The following SLC5A4 variants were observed in gnomAD, a reference collection of about 807,000 sequenced individuals.
SLC5A4 encodes the protein solute carrier family 5 member 4.
In SLC5A4, 55 loss-of-function variants were observed where a neutral mutation model predicts 70.3. That is an observed-to-expected ratio of 0.78 (90% CI 0.63 to 0.98). The LOEUF (loss-of-function observed/expected upper bound fraction) is 0.98, where lower values mean the gene tolerates loss of function less well. SLC5A4 is among the 50% of genes least tolerant of loss of function. The probability of loss-of-function intolerance (pLI) is 0.00; values close to 1 mark genes in which losing one functional copy is unlikely to be tolerated. For synonymous variants in SLC5A4, 268 were observed against 305.7 expected, an observed-to-expected ratio of 0.88 and a Z score of 1.29; for missense variants, 735 against 839.2, an observed-to-expected ratio of 0.88 and a Z score of 1.53.
the SLC5A4 span, among the ~76,000 whole-genome samples, chr22:32,310,721 C>T: frequency 2.6e-5 from 4 of 152,248 alleles, no homozygotes; most frequent in African/African-American, 9.6e-5. Context: ...CTGGGCAAGC[C>T]ACTTGACCCG....
chr22:32,351,737 T>TGGGGGGGGGGGGGGGGGGG, the SLC5A4 span, among the ~76,000 whole-genome samples: 1 of 2,638 alleles, frequency 3.8e-4, no homozygotes, highest in Non-Finnish European at 6.5e-4. Flanking sequence ...GTGGGGGCGG[T>TGGGGGGGGGGGGGGGGGGG]GGGGGGAGGG....
At chr22:32,281,610 C>T in the SLC5A4 span, among the ~76,000 whole-genome samples, 1 of 152,036 alleles carries the variant, frequency 6.6e-6, no homozygotes, top group Non-Finnish European at 1.5e-5. Context: ...CTCACTGCTG[C>T]CTGGAATTCC....
At chr22:32,353,215 G>A in the SLC5A4 span, among the ~76,000 whole-genome samples, 6 of 152,100 alleles carry the variant, frequency 3.9e-5, no homozygotes, top group South Asian at 2.1e-4. Flanking sequence ...TACTCTACTA[G>A]AACCGCTGGG....
the SLC5A4 span, among the ~76,000 whole-genome samples, chr22:32,319,965 C>T: frequency 2.0e-5 from 3 of 152,100 alleles, no homozygotes; most frequent in African/African-American, 7.2e-5. Flanking sequence ...ACTGCCTGCT[C>T]AACTCTACAG....
At chr22:32,250,049 C>A (rs1927052886) in intron 3 of SLC5A4, among the ~76,000 whole-genome samples, 1 of 152,016 alleles carries the variant, frequency 6.6e-6, no homozygotes. Context: ...ATAGTGGGGA[C>A]TCAGGGAGGA....
chr22:32,224,418 G>C lies in SLC5A4; in HGVS notation c.1514C>G (p.Ala505Gly). ...MGLIRMITEF[A>G]YGTGSCLAPS... Reference sequence around the variant, plus strand: ...AGCCAAGCAACTCCCTGTTCCATAAGCAAACTCTGTTATCATACGAATGAG... The same window carrying C: ...AGCCAAGCAACTCCCTGTTCCATAACCAAACTCTGTTATCATACGAATGAG... Residue 505 changes from alanine (A) to glycine (G), a missense_variant, in exon 13 of 15, where the codon GCT (alanine) becomes GGT (glycine). Physicochemically the swap from Ala to Gly is moderately conservative, Grantham distance 60. Coordinates refer to ENST00000266086, the MANE Select transcript of SLC5A4 (RefSeq NM_014227.3). The C allele has an allele frequency of 3.1e-6, 5 of 1,614,106 alleles. No individual in the cohort carries two copies. The highest frequency in any genetic ancestry group is 4.2e-6 in the Non-Finnish European group (5 of 1,180,006).
the SLC5A4 span, among the ~76,000 whole-genome samples, chr22:32,267,113 A>G: frequency 6.6e-6 from 1 of 152,244 alleles, no homozygotes; most frequent in South Asian, 2.1e-4. Flanking sequence ...AAATCTTACC[A>G]ACGCCCACAA....
chr22:32,241,671 A>C (rs574753572), intron 5 of SLC5A4, among the ~76,000 whole-genome samples: 77 of 152,110 alleles, frequency 5.1e-4, no homozygotes, highest in Non-Finnish European at 1.0e-3. Flanking sequence ...TGTGGTTTTG[A>C]GGTCTTATCT....
At chr22:32,269,647 T>C in the SLC5A4 span, 2 of 595,052 alleles carry the variant, frequency 3.4e-6, no homozygotes, top group East Asian at 4.0e-5. This position sits in a 1 kb window ranked among gnomAD's most constrained non-coding sequence, Gnocchi z 4.1. Flanking sequence ...GGGGTGGTGG[T>C]CTTTGTCGTC....
At chr22:32,239,553 T>G (rs1301298701) in intron 5 of SLC5A4, among the ~76,000 whole-genome samples, 1 of 16,686 alleles carries the variant, frequency 6.0e-5, no homozygotes, top group Non-Finnish European at 1.0e-4. Context: ...TATATATATA[T>G]ATATATATAT....
At chr22:32,310,506 T>C in the SLC5A4 span, among the ~76,000 whole-genome samples, 1 of 98,218 alleles carries the variant, frequency 1.0e-5, no homozygotes, top group African/African-American at 3.6e-5. Context: ...TATGGCAACA[T>C]GGGCCTGGGG....
At chr22:32,276,751 A>T in the SLC5A4 span, 1 of 152,182 alleles carries the variant, frequency 6.6e-6, no homozygotes, top group Non-Finnish European at 1.5e-5. Context: ...TGTAAAACTG[A>T]TTTGACACTA....
intron 13 of SLC5A4, among the ~76,000 whole-genome samples, chr22:32,221,315 C>A (rs964287631): frequency 2.6e-5 from 4 of 152,174 alleles, no homozygotes; most frequent in Non-Finnish European, 4.4e-5. Flanking sequence ...TTTAGCTAAC[C>A]TACACTATAC....
chr22:32,272,247 G>A, the SLC5A4 span: 10 of 787,990 alleles, frequency 1.3e-5, no homozygotes, highest in East Asian at 4.9e-5. Context: ...GGTGGTGCCC[G>A]AGCCCAGCCA....
At chr22:32,351,406 T>A in the SLC5A4 span, among the ~76,000 whole-genome samples, 9 of 151,786 alleles carry the variant, frequency 5.9e-5, no homozygotes, top group East Asian at 1.8e-3. Flanking sequence ...CGATCATTTT[T>A]AAAATACAAC....
chr22:32,297,985 G>A, the SLC5A4 span, among the ~76,000 whole-genome samples: 1 of 98,400 alleles, frequency 1.0e-5, no homozygotes, highest in African/African-American at 3.9e-5. Flanking sequence ...TCTTAATCCT[G>A]AGTTCTAGTT....
At chr22:32,245,005 A>G (rs942594249) in intron 5 of SLC5A4, among the ~76,000 whole-genome samples, 4 of 152,228 alleles carry the variant, frequency 2.6e-5, no homozygotes, top group Non-Finnish European at 5.9e-5. Flanking sequence ...AAAGGACTGT[A>G]TTAAAACAAT....
chr22:32,330,714 G>A, the SLC5A4 span, among the ~76,000 whole-genome samples: 3 of 53,432 alleles, frequency 5.6e-5, no homozygotes, highest in Non-Finnish European at 7.4e-5. Flanking sequence ...TGTGTATTGG[G>A]GGCTCTGGTG....
the SLC5A4 span, among the ~76,000 whole-genome samples, chr22:32,320,321 G>A: frequency 5.3e-5 from 8 of 152,126 alleles, no homozygotes; most frequent in Admixed American, 1.3e-4. Flanking sequence ...ACATGCCTAC[G>A]GTACAGATGC....
Sources: gnomAD v4.1 joint callset for allele counts (sites outside exome capture counted in the v4.1 genomes callset) on GRCh38, gnomAD v4.1.1 for gene constraint, Gnocchi (gnomAD v3.1) non-coding constraint, MANE v1.5 for transcripts, NCBI Gene and HGNC (gene_info 2026-07-23, HGNC 2026-07-21) for gene names.